SRARP: variants seen among roughly 807,000 people sequenced by gnomAD.
The protein encoded by SRARP is steroid receptor-associated and regulated protein.
In SRARP, 5 loss-of-function variants were observed where a neutral mutation model predicts 3.6. The observed-to-expected ratio is 1.39, with a 90% CI of 0.73 to 2.93. The LOEUF is 2.93. SRARP is among the 30% of genes most tolerant of loss of function. The pLI is 0.00. For synonymous variants in SRARP, 96 were observed against 91.6 expected (o/e 1.05, Z -0.27); for missense variants, 215 against 216.7 (o/e 0.99, Z 0.05).
In SRARP at chr1:16,007,393, C is replaced by A. The variant is rs1179473279; in HGVS notation, c.*1047C>A. 6.6e-6 allele frequency: 1 copy of A among 151,998 alleles called. No homozygotes were observed. Among genetic ancestry groups the A allele is most frequent in the Non-Finnish European group, 1.5e-5 (1 of 68,018 alleles). 9.4% of individuals were successfully genotyped at this position (151,998 alleles called of 1,614,324 possible). A position where few individuals can be genotyped will look rare whatever the true frequency, so the allele number is the denominator to read the frequency against. On this transcript the variant is annotated 3_prime_UTR_variant, in exon 2 of 2. Coordinates refer to ENST00000329454, the MANE Select transcript of SRARP (RefSeq NM_178840.4). ...AGCACTGTGAGAAACCCTAAAGCAA[C>A]CTATTTAAGGAAGTCAGTCTCAAAG...
rs1304827415 is a variant in SRARP at position 16,006,114 on chromosome 1, C to G, written c.278C>G (p.Thr93Ser). The change falls in exon 2 of 2, where the codon ACT becomes AGT. Residue 93 changes from threonine to serine, a missense_variant. By Grantham distance (58) the Thr-to-Ser change is moderately conservative (BLOSUM62 1). Transcript: ENST00000329454. ...TGTGGGGAAAACTGGCCCCATCTGA[C>G]TCGGGTGACCCCCATGGGTGGGGGA... Reference protein sequence around the residue: ...VFCGENWPHLTRVTPMGGGCL... With the variant: ...VFCGENWPHLSRVTPMGGGCL... The G allele has an allele frequency of 1.2e-6, 2 of 1,613,898 alleles. No homozygotes were observed.
At position 16,007,946 on chromosome 1, in the gene SRARP, A is replaced by G. The variant is rs1345119044; in HGVS notation, c.*1600A>G. 1 of 152,206 alleles carries G rather than the reference A, an allele frequency of 6.6e-6. No homozygotes were observed. The highest frequency in any genetic ancestry group is 1.5e-5 in the Non-Finnish European group (1 of 68,036). The allele number at this position is 152,206 out of a possible 1,614,324, so 9.4% of individuals were successfully genotyped here. On this transcript the variant is annotated 3_prime_UTR_variant, in exon 2 of 2. Transcript: ENST00000329454. ...TACCATTGAGATTAGAACTCAGGCA[A>G]GTCTGGTGCCCATATTCTTGCTTGT...
At chr1:16,005,203 C>T (rs2073120138) in intron 1 of SRARP, among the ~76,000 whole-genome samples, 1 of 152,204 alleles carries the variant, frequency 6.6e-6, no homozygotes, top group Non-Finnish European at 1.5e-5. Context: ...GTTTCCTCAC[C>T]TGGAAAGATG....
intron 1 of SRARP, among the ~76,000 whole-genome samples, chr1:16,004,870 T>G (rs2073118456): frequency 6.6e-6 from 1 of 152,194 alleles, no homozygotes; most frequent in Non-Finnish European, 1.5e-5. Flanking sequence ...ATAAGCTTCC[T>G]TCTGAGCCCA....
Position 16,005,951 on chromosome 1 carries a change from C to A in SRARP, c.115C>A (p.Pro39Thr). The change falls in exon 2 of 2, where the codon CCC (proline) becomes ACC (threonine). Residue 39 changes from proline (P) to threonine (T), a missense_variant. Coordinates refer to ENST00000329454, the MANE Select transcript of SRARP (RefSeq NM_178840.4). ...GKLAGHQKTV[P>T]TAHLTFVIDC... ...GCTGGCTGGCCATCAGAAGACCGTC[C>A]CCACGGCTCACCTGACTTTTGTTAT... The A allele has an allele frequency of 4.4e-6, 7 of 1,599,480 alleles. No homozygotes were observed. The highest frequency in any genetic ancestry group is 6.0e-6 in the Non-Finnish European group (7 of 1,172,428).
Position 16,006,582 on chromosome 1 carries a change from A to C in SRARP, c.*236A>C, listed in dbSNP as rs921722666. The C allele has an allele frequency of 3.5e-5, 18 of 518,010 alleles. No individual in the cohort carries two copies. Among genetic ancestry groups the C allele is most frequent in the Non-Finnish European group, 6.0e-5 (18 of 299,262 alleles). The allele number at this position is 518,010 out of a possible 1,614,324, so 32.1% of individuals were successfully genotyped here. A position where few individuals can be genotyped will look rare whatever the true frequency, so the allele number is the denominator to read the frequency against. ...CATCTTCCACATGCCAGGCCCTGCA[A>C]AGTGCTGGGGAGATACCATGGTTTT... On this transcript the variant is annotated 3_prime_UTR_variant, in exon 2 of 2. Coordinates refer to ENST00000329454, the MANE Select transcript of SRARP (RefSeq NM_178840.4).
At chr1:16,005,470 G>A (rs1252723004) in intron 1 of SRARP, among the ~76,000 whole-genome samples, 1 of 152,166 alleles carries the variant, frequency 6.6e-6, no homozygotes, top group Non-Finnish European at 1.5e-5. Flanking sequence ...CTTGAACTCA[G>A]GTCTCTCTGA....
chr1:16,004,617 G>C (rs1051630461), intron 1 of SRARP, among the ~76,000 whole-genome samples: 1 of 151,540 alleles, frequency 6.6e-6, no homozygotes. Context: ...AGGAGGTTGA[G>C]GCAGGAGAAT....
chr1:16,006,085 G>A lies in SRARP; in HGVS notation c.249G>A (p.Val83=), dbSNP rs368526995. 2 of 1,613,990 alleles carry A rather than the reference G, an allele frequency of 1.2e-6. No homozygotes were observed. Among genetic ancestry groups the A allele is most frequent in the South Asian group, 1.1e-5 (1 of 91,018 alleles). The change falls in exon 2 of 2, where the codon GTG becomes GTA. Residue 83 remains valine, a synonymous_variant. Transcript: ENST00000329454. ...LVTPPMKTYI[V]FCGENWPHLT... ...CCCCACCAATGAAGACCTACATCGT[G>A]TTCTGTGGGGAAAACTGGCCCCATC...
At chr1:16,005,841 G>A (rs577202875) in intron 1 of SRARP, 78 bp from the exon 2 acceptor site, 87 of 1,392,380 alleles carry the variant, frequency 6.2e-5, no homozygotes, top group South Asian at 1.4e-5. Flanking sequence ...CAGCCTGGGC[G>A]ACAGAGTGAG....
intron 1 of SRARP, 70 bp downstream of exon 1, chr1:16,004,455 C>T (rs1353210472): frequency 7.3e-7 from 1 of 1,365,424 alleles, no homozygotes; most frequent in African/African-American, 1.4e-5. Context: ...TGCCTCATGC[C>T]TGTAATCCCA....
In SRARP at chr1:16,006,078, A is replaced by G. The variant is rs1467501134; in HGVS notation, c.242A>G (p.Tyr81Cys). The stretch of plus-strand genomic sequence containing the variant: ...CTTGTCACCCCACCAATGAAGACCT[A>G]CATCGTGTTCTGTGGGGAAAACTGG... ...RGLVTPPMKT[Y>C]IVFCGENWPH... The change falls in exon 2 of 2, where the codon TAC becomes TGC. Residue 81 changes from tyrosine (Y) to cysteine (C), a missense_variant. Tyr to Cys is a radical substitution (Grantham distance 194, BLOSUM62 -2). Coordinates refer to ENST00000329454, the MANE Select transcript of SRARP (RefSeq NM_178840.4). The G allele has an allele frequency of 6.2e-7, 1 of 1,613,836 alleles. No homozygotes were observed. Among genetic ancestry groups the G allele is most frequent in the East Asian group, 2.2e-5 (1 of 44,882 alleles).
At chr1:16,004,633 GA>G (rs2073116767) in intron 1 of SRARP, among the ~76,000 whole-genome samples, 1 of 144,172 alleles carries the variant, frequency 6.9e-6, no homozygotes, top group Non-Finnish European at 1.5e-5. Flanking sequence ...AGAATCGCTT[GA>G]ACCCAGGAGG....
At chr1:16,005,855 C>A in intron 1 of SRARP, 64 bp from the exon 2 acceptor site, 1 of 1,439,010 alleles carries the variant, frequency 6.9e-7, no homozygotes, top group Non-Finnish European at 9.4e-7. Flanking sequence ...GAGTGAGACC[C>A]TGTCTCAGGG....
At chr1:16,004,582 C>T (rs1432216236) in intron 1 of SRARP, among the ~76,000 whole-genome samples, 197 bp downstream of exon 1, 2 of 151,962 alleles carry the variant, frequency 1.3e-5, no homozygotes, top group East Asian at 1.9e-4. Context: ...GGTGTGGTGG[C>T]GGGTGCCTAT....
rs549657307 is a variant in SRARP, at chr1:16,008,273, A to C, written c.*1927A>C. The C allele has an allele frequency of 6.6e-6, 1 of 152,152 alleles. No homozygotes were observed. Among genetic ancestry groups the C allele is most frequent in the Admixed American group, 6.5e-5 (1 of 15,296 alleles). 9.4% of individuals were successfully genotyped at this position (152,152 alleles called of 1,614,324 possible). On this transcript the variant is annotated 3_prime_UTR_variant, in exon 2 of 2. Transcript: ENST00000329454. The stretch of plus-strand genomic sequence containing the variant: ...TACAAAAGGGTGGGGTGGGGGAGCA[A>C]GTGGGGAGTGCTCTGGGCAGAAGGA...
rs779836748 is a variant in SRARP at position 16,004,402 on chromosome 1, G to T, written c.82+17G>T. 1.9e-6 allele frequency: 3 copies of T among 1,582,028 alleles called. No homozygotes were observed. In the South Asian group the frequency reaches 3.4e-5, roughly 18 times the overall value. ...CCAGCTCCGGTAAGAGGCGGCAAAG[G>T]GACCCCAGCCCCACAGAAACACCAG... On this transcript the variant is annotated intron_variant, in intron 1 of 1. Coordinates refer to ENST00000329454, the MANE Select transcript of SRARP (RefSeq NM_178840.4).
chr1:16,004,736 A>AT (rs2073117598), intron 1 of SRARP, among the ~76,000 whole-genome samples: 1 of 149,242 alleles, frequency 6.7e-6, no homozygotes. Flanking sequence ...AAAAAAAAAA[A>AT]AGCAAGACCA....
rs1322942239 is a variant in SRARP at position 16,006,671 on chromosome 1, TAAAG to T, written c.*328_*331del. Reference sequence around the variant, plus strand: ...TGAATAAATAAAGTAACCCAATAAATAAAGAAGATGATTTTGAACAGCGATGAAT... The same window carrying T: ...TGAATAAATAAAGTAACCCAATAAATAAGATGATTTTGAACAGCGATGAAT... On this transcript the variant is annotated 3_prime_UTR_variant, in exon 2 of 2. Coordinates refer to ENST00000329454, the MANE Select transcript of SRARP (RefSeq NM_178840.4). 1.2e-5 allele frequency: 3 copies of T among 258,220 alleles called. No individual in the cohort carries two copies. The highest frequency in any genetic ancestry group is 6.7e-5 in the African/African-American group (3 of 45,030). 16.0% of individuals were successfully genotyped at this position (258,220 alleles called of 1,614,324 possible).
Sources: gnomAD v4.1 joint callset for allele counts (sites outside exome capture counted in the v4.1 genomes callset) on GRCh38, gnomAD v4.1.1 for gene constraint, MANE v1.5 for transcripts, NCBI Gene and HGNC (gene_info 2026-07-23, HGNC 2026-07-21) for gene names.